ADAMTSL4: variants seen among roughly 807,000 people sequenced by gnomAD.
ADAMTSL4 encodes the protein ADAMTS like 4, also known as ADAMTS-like protein 4.
Under a neutral mutation model 122.8 loss-of-function variants are expected in ADAMTSL4, and 97 were observed. The observed-to-expected ratio is 0.79, with a 90% CI of 0.67 to 0.93. The LOEUF (loss-of-function observed/expected upper bound fraction) is 0.93, where lower values mean the gene tolerates loss of function less well. ADAMTSL4 is among the 40% of genes least tolerant of loss of function. The pLI, the probability that ADAMTSL4 is intolerant of heterozygous loss-of-function variation, is 0.00. For missense variants in ADAMTSL4, 1,408 were observed against 1,453.5 expected (o/e 0.97, Z 0.51); for synonymous variants, 592 against 568.0 (o/e 1.04, Z -0.60).
chr1:150,556,214 G>T lies in ADAMTSL4; in HGVS notation c.1424G>T (p.Gly475Val). 11 of 1,614,200 alleles carry T rather than the reference G, an allele frequency of 6.8e-6. No homozygotes were observed. The highest frequency in any genetic ancestry group is 9.3e-6 in the Non-Finnish European group (11 of 1,180,050). ...LGSGRRPDGC[G>V]VCGGDDSTCR... ...TCTGGCAGGCGTCCTGATGGCTGTG[G>T]AGTCTGTGGGGGTGATGATTCTACC... The change falls in exon 9 of 19, where the codon GGA becomes GTA. Residue 475 changes from glycine to valine, a missense_variant. Transcript: ENST00000271643. The surrounding 1 kb of genome is among the most constrained non-coding windows in gnomAD (Gnocchi z 4.1).
chr1:150,553,108 C>T lies in ADAMTSL4; in HGVS notation c.289C>T (p.Pro97Ser). ...CCCAAGACATCCAGAAGCCCTCCTC[C>T]CCCGGGGCCAGGGTCCCAGACCCCA... ...RPPRHPEALL[P>S]RGQGPRPQTS... The change falls in exon 5 of 19, where the codon CCC becomes TCC. Residue 97 changes from proline to serine, a missense_variant. Pro to Ser is a moderately conservative substitution (Grantham distance 74). Transcript: ENST00000271643. 1.9e-6 allele frequency: 3 copies of T among 1,613,310 alleles called. No homozygotes were observed. The highest frequency in any genetic ancestry group is 1.1e-5 in the South Asian group (1 of 90,980).
At position 150,553,784 on chromosome 1, in the gene ADAMTSL4, C is replaced by A; in HGVS notation, c.793C>A (p.Pro265Thr). The change falls in exon 6 of 19, where the codon CCC (proline) becomes ACC (threonine). Residue 265 changes from proline (P) to threonine (T), a missense_variant. By Grantham distance (38) the Pro-to-Thr change is conservative (BLOSUM62 -1). Transcript: ENST00000271643. Reference protein sequence around the residue: ...AQASGTEPPSPTHSLGEGGFF... With the variant: ...AQASGTEPPSTTHSLGEGGFF... ...GGCCTCTGGCACAGAGCCCCCCTCA[C>A]CCACGCACTCCTTAGGAGAAGGTGG... is the stretch of plus-strand genomic sequence containing the variant. The A allele has an allele frequency of 6.2e-7, 1 of 1,614,044 alleles. No individual in the cohort carries two copies. Among genetic ancestry groups the A allele is most frequent in the East Asian group, 2.2e-5 (1 of 44,846 alleles).
In ADAMTSL4 at chr1:150,553,698, C is replaced by T. The variant is rs1671682993; in HGVS notation, c.707C>T (p.Ala236Val). Residue 236 changes from alanine to valine, a missense_variant, in exon 6 of 19, where the codon GCT (alanine) becomes GTT (valine). Transcript: ENST00000271643. ...GCAGAACCTCTAAGCCCTGAAACTGCTCAGACAGAGGTGGCCCCCAGAACC... is the reference window on the plus strand; with the variant it reads ...GCAGAACCTCTAAGCCCTGAAACTGTTCAGACAGAGGTGGCCCCCAGAACC... ...PQAEPLSPET[A>V]QTEVAPRTRP... 6.2e-7 allele frequency: 1 copy of T among 1,613,282 alleles called. No individual in the cohort carries two copies. The highest frequency in any genetic ancestry group is 8.5e-7 in the Non-Finnish European group (1 of 1,179,698).
At position 150,552,445 on chromosome 1, in the gene ADAMTSL4, G is replaced by A; in HGVS notation, c.21-98G>A. The A allele has an allele frequency of 1.9e-6, 3 of 1,580,766 alleles. No homozygotes were observed. The highest frequency in any genetic ancestry group is 1.1e-5 in the South Asian group (1 of 89,366). ...GTAACTTCTGCTTTCTGAGAAGTTG[G>A]TAGTCAGGATATGGGAGCCGGCTGG... On this transcript the variant is annotated intron_variant, in intron 3 of 18. Coordinates refer to ENST00000271643, the MANE Select transcript of ADAMTSL4 (RefSeq NM_019032.6). The surrounding 1 kb of genome is among the most constrained non-coding windows in gnomAD (Gnocchi z 4.0).
rs1156855838 is a variant in ADAMTSL4, at chr1:150,559,390, T to C, written c.2867T>C (p.Leu956Pro). Residue 956 changes from leucine (L) to proline (P), a missense_variant, in exon 17 of 19, where the codon CTC (leucine) becomes CCC (proline). Coordinates refer to ENST00000271643, the MANE Select transcript of ADAMTSL4 (RefSeq NM_019032.6). The surrounding 1 kb of genome is among the most constrained non-coding windows in gnomAD (Gnocchi z 4.1). ...ACTTCTCCGAGCAACTGTTCTCACC[T>C]CCCCAGGCCCCCTGCCCTGCAGCCC... ...NVTSPSNCSH[L>P]PRPPALQPCQ... 1 of 1,613,402 alleles carries C rather than the reference T, an allele frequency of 6.2e-7. No homozygotes were observed. The highest frequency in any genetic ancestry group is 8.5e-7 in the Non-Finnish European group (1 of 1,179,930).
rs1671559210 is a variant in ADAMTSL4 at position 150,552,810 on chromosome 1, T to C, written c.79-88T>C. 7.0e-7 allele frequency: 1 copy of C among 1,425,316 alleles called. No individual in the cohort carries two copies. Among genetic ancestry groups the C allele is most frequent in the Non-Finnish European group, 9.8e-7 (1 of 1,017,756 alleles). 88.3% of individuals were successfully genotyped at this position (1,425,316 alleles called of 1,614,324 possible). ...AATGTGACCTTGGACTGGTAGCGAC[T>C]CCGTGAGCCTCAGTGTTGGTCTACA... On this transcript the variant is annotated intron_variant, in intron 4 of 18. Transcript: ENST00000271643. This position sits in a 1 kb window ranked among gnomAD's most constrained non-coding sequence, Gnocchi z 4.0.
chr1:150,553,047 G>A lies in ADAMTSL4; in HGVS notation c.228G>A (p.Val76=), dbSNP rs1171578506. The A allele has an allele frequency of 6.2e-7, 1 of 1,613,298 alleles. No homozygotes were observed. The highest frequency in any genetic ancestry group is 8.5e-7 in the Non-Finnish European group (1 of 1,179,848). ...GCCGGACATGTCAGCTCCCTACAGTGCAGCTCCACCCGAGTCTGCCCCTCC... is the reference window on the plus strand; with the variant it reads ...GCCGGACATGTCAGCTCCCTACAGTACAGCTCCACCCGAGTCTGCCCCTCC... ...RRSRTCQLPT[V]QLHPSLPLPP... Residue 76 remains valine (V), a synonymous_variant, in exon 5 of 19, where the codon GTG becomes GTA. Coordinates refer to ENST00000271643, the MANE Select transcript of ADAMTSL4 (RefSeq NM_019032.6).
Position 150,553,832 on chromosome 1 carries a change from C to A in ADAMTSL4, c.841C>A (p.Pro281Thr). 4 of 1,614,128 alleles carry A rather than the reference C, an allele frequency of 2.5e-6. No homozygotes were observed. Among genetic ancestry groups the A allele is most frequent in the Non-Finnish European group, 3.4e-6 (4 of 1,180,016 alleles). ...EGGFFRASPQ[P>T]RRPSSQGWAS... ...TGGCTTCTTCCGTGCATCCCCTCAG[C>A]CACGAAGGCCAAGTTCCCAGGGTTG... Residue 281 changes from proline (P) to threonine (T), a missense_variant, in exon 6 of 19, where the codon CCA becomes ACA. Coordinates refer to ENST00000271643, the MANE Select transcript of ADAMTSL4 (RefSeq NM_019032.6).
chr1:150,553,767 G>C lies in ADAMTSL4; in HGVS notation c.776G>C (p.Gly259Ala). 1.2e-6 allele frequency: 2 copies of C among 1,608,046 alleles called. No individual in the cohort carries two copies. The highest frequency in any genetic ancestry group is 1.7e-6 in the Non-Finnish European group (2 of 1,174,512). ...CATCACCCCAGAGCCCAGGCCTCTG[G>C]CACAGAGCCCCCCTCACCCACGCAC... ...LRHHPRAQAS[G>A]TEPPSPTHSL... Residue 259 changes from glycine to alanine, a missense_variant, in exon 6 of 19, where the codon GGC becomes GCC. Coordinates refer to ENST00000271643, the MANE Select transcript of ADAMTSL4 (RefSeq NM_019032.6).
chr1:150,554,455 C>T lies in ADAMTSL4; in HGVS notation c.1222C>T (p.Pro408Ser), dbSNP rs755162489. ...EFMGQLYQWE[P>S]FTEVQGSQRC... ...CATGGGCCAGCTGTATCAGTGGGAGCCCTTCACTGAAGGTGAGGTTTCTTG... is the reference window on the plus strand; with the variant it reads ...CATGGGCCAGCTGTATCAGTGGGAGTCCTTCACTGAAGGTGAGGTTTCTTG... Residue 408 changes from proline to serine, a missense_variant, in exon 7 of 19, where the codon CCC becomes TCC. Transcript: ENST00000271643. This position sits in a 1 kb window ranked among gnomAD's most constrained non-coding sequence, Gnocchi z 4.0. The T allele has an allele frequency of 6.2e-7, 1 of 1,614,098 alleles. No individual in the cohort carries two copies. Among genetic ancestry groups the T allele is most frequent in the South Asian group, 1.1e-5 (1 of 91,086 alleles).
Position 150,556,006 on chromosome 1 carries a change from T to G in ADAMTSL4, c.1372-156T>G. 3 of 752,096 alleles carry G rather than the reference T, an allele frequency of 4.0e-6. No individual in the cohort carries two copies. The highest frequency in any genetic ancestry group is 6.8e-6 in the Non-Finnish European group (3 of 440,104). 46.6% of individuals were successfully genotyped at this position (752,096 alleles called of 1,614,324 possible). A position where few individuals can be genotyped will look rare whatever the true frequency, so the allele number is the denominator to read the frequency against. On this transcript the variant is annotated intron_variant, in intron 8 of 18. Transcript: ENST00000271643. This position sits in a 1 kb window ranked among gnomAD's most constrained non-coding sequence, Gnocchi z 4.1. ...AAGGATCTGATCGGGCACCTGTCCATGTCCCTGGGTCTGGCTGGGGATGGT... is the reference window on the plus strand; with the variant it reads ...AAGGATCTGATCGGGCACCTGTCCAGGTCCCTGGGTCTGGCTGGGGATGGT...
Position 150,559,541 on chromosome 1 carries a change from C to G in ADAMTSL4, c.2943+75C>G. 1.3e-6 allele frequency: 2 copies of G among 1,593,952 alleles called. No homozygotes were observed. The highest frequency in any genetic ancestry group is 8.5e-7 in the Non-Finnish European group (1 of 1,170,254). On this transcript the variant is annotated intron_variant, in intron 17 of 18. Transcript: ENST00000271643. The surrounding 1 kb of genome is among the most constrained non-coding windows in gnomAD (Gnocchi z 4.1). ...GGAGGGGAGCTCCTCTCGCTGTACC[C>G]CCTCCAGGTCTCTCTGTGCCCCAGA...
chr1:150,550,383 C>A (rs1671275658), intron 2 of ADAMTSL4: 1 of 448,094 alleles, frequency 2.2e-6, no homozygotes, highest in Non-Finnish European at 4.5e-6. Flanking sequence ...GGGAGCCAGG[C>A]CTGGCCCGGG....
chr1:150,557,744 G>T, intron 13 of ADAMTSL4, 121 bp downstream of exon 13: 2 of 1,367,288 alleles, frequency 1.5e-6, no homozygotes, highest in Non-Finnish European at 2.0e-6. Flanking sequence ...GACAACATTA[G>T]ATTAGAAAGG....
Position 150,559,771 on chromosome 1 carries a change from C to T in ADAMTSL4, c.2954C>T (p.Ser985Phe), listed in dbSNP as rs587742902. 7.4e-6 allele frequency: 12 copies of T among 1,613,952 alleles called. No individual in the cohort carries two copies. In the East Asian group the frequency reaches 1.1e-4, roughly 15 times the overall value. The change falls in exon 18 of 19, where the codon TCC (serine) becomes TTC (phenylalanine). Residue 985 changes from serine to phenylalanine, a missense_variant. Transcript: ENST00000271643. This position sits in a 1 kb window ranked among gnomAD's most constrained non-coding sequence, Gnocchi z 4.1. ...CTGGGGTCGCCCCAGTGTTCTCGCT[C>T]CTGCCAAGGGGGAACGCAGACACGG... The part of the protein sequence containing the change: ...FSTPWSPCSR[S>F]CQGGTQTREV...
In ADAMTSL4 at chr1:150,549,766, T is replaced by C. The variant is rs4971020; in HGVS notation, c.-158-56T>C. The C allele has an allele frequency of 0.47, 71,851 of 152,960 alleles. 20,144 individuals are homozygous for C. Among genetic ancestry groups the C allele is most frequent in the Non-Finnish European group, 0.64 (44,121 of 68,630 alleles). The allele number at this position is 152,960 out of a possible 1,614,324, so 9.5% of individuals were successfully genotyped here. ...TTCCTCCTAAGTCACATAGTAAAGTTGGAAAACAGACCCATGACCTCCCCG... is the reference window on the plus strand; with the variant it reads ...TTCCTCCTAAGTCACATAGTAAAGTCGGAAAACAGACCCATGACCTCCCCG... On this transcript the variant is annotated intron_variant, in intron 1 of 18. Transcript: ENST00000271643. This position sits in a 1 kb window ranked among gnomAD's most constrained non-coding sequence, Gnocchi z 5.0.
At chr1:150,551,017 C>CTAAG (rs1560282121) in intron 2 of ADAMTSL4, 1 of 455,952 alleles carries the variant, frequency 2.2e-6, no homozygotes, top group Non-Finnish European at 4.4e-6. Flanking sequence ...GAAAGCAGAA[C>CTAAG]TAAGAGTGGG....
chr1:150,554,840 C>T lies in ADAMTSL4; in HGVS notation c.1234+373C>T. On this transcript the variant is annotated intron_variant, in intron 7 of 18. Coordinates refer to ENST00000271643, the MANE Select transcript of ADAMTSL4 (RefSeq NM_019032.6). The surrounding 1 kb of genome is among the most constrained non-coding windows in gnomAD (Gnocchi z 4.0). ...TGTCGTATCGGTTGCTCCCAGGTTA[C>T]CATCCGCTTCATTTTAGGCCTGTGT... is the stretch of plus-strand genomic sequence containing the variant. The T allele has an allele frequency of 1.6e-6, 1 of 609,302 alleles. No homozygotes were observed. Among genetic ancestry groups the T allele is most frequent in the Non-Finnish European group, 2.9e-6 (1 of 347,742 alleles). The allele number at this position is 609,302 out of a possible 1,614,324, so 37.7% of individuals were successfully genotyped here. A position where few individuals can be genotyped will look rare whatever the true frequency, so the allele number is the denominator to read the frequency against.
chr1:150,557,998 A>G lies in ADAMTSL4; in HGVS notation c.2231A>G (p.Gln744Arg). The change falls in exon 14 of 19, where the codon CAG (glutamine) becomes CGG (arginine). Residue 744 changes from glutamine to arginine, a missense_variant. Coordinates refer to ENST00000271643, the MANE Select transcript of ADAMTSL4 (RefSeq NM_019032.6). ...SCSRSCGPGTQHRQLQCRQEF... is the reference protein window; with the variant it reads ...SCSRSCGPGTRHRQLQCRQEF... ...AGCCGCTCCTGTGGCCCCGGCACCCAGCACCGCCAGCTGCAGTGCCGGCAG... is the reference window on the plus strand; with the variant it reads ...AGCCGCTCCTGTGGCCCCGGCACCCGGCACCGCCAGCTGCAGTGCCGGCAG... 6.2e-7 allele frequency: 1 copy of G among 1,612,030 alleles called. No homozygotes were observed. The highest frequency in any genetic ancestry group is 8.5e-7 in the Non-Finnish European group (1 of 1,179,758).
Sources: allele counts gnomAD v4.1 joint callset, GRCh38; gene constraint gnomAD v4.1.1; non-coding constraint Gnocchi (gnomAD v3.1); transcripts MANE v1.5; gene names NCBI Gene and HGNC (gene_info 2026-07-23, HGNC 2026-07-21).